Variants in PIK3R2 observed in about 807,000 individuals in gnomAD.
PIK3R2 encodes phosphatidylinositol 3-kinase regulatory subunit beta.
A neutral mutation model predicts 78.5 loss-of-function variants in PIK3R2; 40 were observed. That is an observed-to-expected ratio of 0.51 (90% CI 0.40 to 0.66). The LOEUF (loss-of-function observed/expected upper bound fraction) is 0.66. Ranked by LOEUF, PIK3R2 falls within the 30% of genes least tolerant of loss-of-function variation. PIK3R2 has a pLI of 0.00. For missense variants in PIK3R2, 880 were observed against 1,026.6 expected, an observed-to-expected ratio of 0.86 and a Z score of 1.95; for synonymous variants, 473 against 457.7, an observed-to-expected ratio of 1.03 and a Z score of -0.43.
chr19:18,163,425 T>TA, intron 11 of PIK3R2, 37 bp downstream of exon 11: 1 of 1,611,150 alleles, frequency 6.2e-7, no homozygotes, highest in Non-Finnish European at 8.5e-7. Context: ...AACCGAGACA[T>TA]AGAGGGGCAG....
Position 18,156,164 on chromosome 19 carries a change from A to C in PIK3R2, c.285A>C (p.Pro95=), listed in dbSNP as rs1326810281. ...RPGPRPRGPR[P]LPARPRDGAP... is the part of the protein sequence containing the mutation. ...GCCCTCGCCCACGGGGCCCCCGCCC[A>C]CTGCCCGCCAGGCCCCGTGATGGGG... Residue 95 remains proline, a synonymous_variant, in exon 2 of 16, where the codon CCA becomes CCC. Transcript: ENST00000222254. This position sits in a 1 kb window ranked among gnomAD's most constrained non-coding sequence, Gnocchi z 4.2. 4.1e-6 allele frequency: 6 copies of C among 1,451,804 alleles called. No homozygotes were observed. Among genetic ancestry groups the C allele is most frequent in the Non-Finnish European group, 5.4e-6 (6 of 1,107,056 alleles). The allele number at this position is 1,451,804 out of a possible 1,614,324, so 89.9% of individuals were successfully genotyped here. A position where few individuals can be genotyped will look rare whatever the true frequency, so the allele number is the denominator to read the frequency against.
rs1478217607 is a variant in PIK3R2 at position 18,156,561 on chromosome 19, G to A, written c.322+360G>A. Among the ~76,000 whole-genome samples, 1 of 152,188 alleles carries A rather than the reference G, an allele frequency of 6.6e-6. No homozygotes were observed. The highest frequency in any genetic ancestry group is 1.5e-5 in the Non-Finnish European group (1 of 68,038). ...CAGCAGGAGGACCAGAGGGAGGAAGGGGAGGGCAATGTGCGCTGGCATGGA... is the reference window on the plus strand; with the variant it reads ...CAGCAGGAGGACCAGAGGGAGGAAGAGGAGGGCAATGTGCGCTGGCATGGA... On this transcript the variant is annotated intron_variant, in intron 2 of 15. Transcript: ENST00000222254. The surrounding 1 kb of genome is among the most constrained non-coding windows in gnomAD (Gnocchi z 4.2).
intron 9 of PIK3R2, 28 bp from the exon 10 acceptor site, chr19:18,162,937 CTG>C (rs771834702): frequency 1.2e-6 from 2 of 1,605,910 alleles, no homozygotes; most frequent in South Asian, 2.2e-5. Context: ...CGGGGTCCCA[CTG>C]GGTGCCGACA....
chr19:18,167,311 G>C lies in PIK3R2; in HGVS notation c.1736+5G>C. The C allele has an allele frequency of 6.3e-7, 1 of 1,576,232 alleles. No individual in the cohort carries two copies. Among genetic ancestry groups the C allele is most frequent in the Non-Finnish European group, 8.6e-7 (1 of 1,160,750 alleles). On this transcript the variant is annotated splice_donor_5th_base_variant and intron_variant, in intron 13 of 15. Transcript: ENST00000222254. The surrounding 1 kb of genome is among the most constrained non-coding windows in gnomAD (Gnocchi z 4.5). The stretch of plus-strand genomic sequence containing the variant: ...GATCCGAGACCAGTACCTCGTGTAA[G>C]TGGCGGCTCCATACTTCCCTGCGGC...
At chr19:18,155,045 C>A (rs550398401) in intron 1 of PIK3R2, among the ~76,000 whole-genome samples, 25 of 152,046 alleles carry the variant, frequency 1.6e-4, no homozygotes, top group African/African-American at 5.8e-4. Context: ...GAAACCTCGT[C>A]TCTACTAAAA....
At position 18,167,408 on chromosome 19, in the gene PIK3R2, C is replaced by A. The variant is rs2043820871; in HGVS notation, c.1736+102C>A. The A allele has an allele frequency of 9.5e-7, 1 of 1,054,266 alleles. No homozygotes were observed. The allele number at this position is 1,054,266 out of a possible 1,614,324, so 65.3% of individuals were successfully genotyped here. The stretch of plus-strand genomic sequence containing the variant: ...GTCTCTCTCTCTCCACCAAGTGGCC[C>A]TTCCTGGGCCCCGAGACCCCTTAAA... On this transcript the variant is annotated intron_variant, in intron 13 of 15. Transcript: ENST00000222254. The surrounding 1 kb of genome is among the most constrained non-coding windows in gnomAD (Gnocchi z 4.5).
Position 18,155,638 on chromosome 19 carries a change from A to G in PIK3R2, c.-242A>G, listed in dbSNP as rs1179232218. The G allele has an allele frequency of 5.5e-6, 3 of 542,712 alleles. No individual in the cohort carries two copies. Among genetic ancestry groups the G allele is most frequent in the African/African-American group, 2.0e-5 (1 of 49,616 alleles). The allele number at this position is 542,712 out of a possible 1,614,324, so 33.6% of individuals were successfully genotyped here. On this transcript the variant is annotated 5_prime_UTR_variant, in exon 2 of 16. Coordinates refer to ENST00000222254, the MANE Select transcript of PIK3R2 (RefSeq NM_005027.4). Reference sequence around the variant, plus strand: ...TGGCCCAGTGACCTGACACCACACCACCAACTCCCTCCCACCAGCTGACGA... The same window carrying G: ...TGGCCCAGTGACCTGACACCACACCGCCAACTCCCTCCCACCAGCTGACGA...
rs992417178 is a variant in PIK3R2 at position 18,168,645 on chromosome 19, A to G, written c.1809-81A>G. 3.2e-6 allele frequency: 4 copies of G among 1,244,988 alleles called. No individual in the cohort carries two copies. In the South Asian group the frequency reaches 3.6e-5, roughly 11 times the overall value. The allele number at this position is 1,244,988 out of a possible 1,614,324, so 77.1% of individuals were successfully genotyped here. ...TGAGTAGGAGTTCACCAGGGAGGAA[A>G]AGTTGTCCAGGCAGCTGGGGAGCCT... On this transcript the variant is annotated intron_variant, in intron 14 of 15. Coordinates refer to ENST00000222254, the MANE Select transcript of PIK3R2 (RefSeq NM_005027.4). This position sits in a 1 kb window ranked among gnomAD's most constrained non-coding sequence, Gnocchi z 4.1.
At chr19:18,154,165 CT>C (rs2043652832) in intron 1 of PIK3R2, among the ~76,000 whole-genome samples, 1 of 152,192 alleles carries the variant, frequency 6.6e-6, no homozygotes, top group Non-Finnish European at 1.5e-5. Context: ...GATCCATTCT[CT>C]AGAACAGCAC....
Position 18,168,706 on chromosome 19 carries a change from G to GCCCCCC in PIK3R2, c.1809-18_1809-17insCCCCCC. 1 of 920,048 alleles carries GCCCCCC rather than the reference G, an allele frequency of 1.1e-6. No individual in the cohort carries two copies. Among genetic ancestry groups the GCCCCCC allele is most frequent in the Non-Finnish European group, 1.7e-6 (1 of 588,316 alleles). 57.0% of individuals were successfully genotyped at this position (920,048 alleles called of 1,614,324 possible). ...CAGGTGAGTGACCAGGGCCCTCCCC[G>GCCCCCC]CCACCGCCCCCCACCCCAGCCAGTA... On this transcript the variant is annotated intron_variant, in intron 14 of 15. Coordinates refer to ENST00000222254, the MANE Select transcript of PIK3R2 (RefSeq NM_005027.4). The surrounding 1 kb of genome is among the most constrained non-coding windows in gnomAD (Gnocchi z 4.1).
At chr19:18,153,520 C>T (rs2043642254) in intron 1 of PIK3R2, among the ~76,000 whole-genome samples, 1 of 152,108 alleles carries the variant, frequency 6.6e-6, no homozygotes, top group Non-Finnish European at 1.5e-5. Flanking sequence ...AGACTCCCCG[C>T]GTCCAAGATA....
In PIK3R2 at chr19:18,163,287, G is replaced by A. The variant is rs751032325; in HGVS notation, c.1315G>A (p.Val439Met). ...QQDQIVKEDS[V>M]EAVGAQLKVY... The stretch of plus-strand genomic sequence containing the variant: ...GGACCAGATTGTCAAGGAGGACAGC[G>A]TGGAGGCAGTGGGCGCCCAGCTTAA... Residue 439 changes from valine (V) to methionine (M), a missense_variant, in exon 11 of 16, where the codon GTG (valine) becomes ATG (methionine). Physicochemically the swap from Val to Met is conservative, Grantham distance 21 (BLOSUM62 1). Coordinates refer to ENST00000222254, the MANE Select transcript of PIK3R2 (RefSeq NM_005027.4). 1.5e-5 allele frequency: 24 copies of A among 1,614,004 alleles called. No homozygotes were observed. Among genetic ancestry groups the A allele is most frequent in the Non-Finnish European group, 2.0e-5 (24 of 1,180,020 alleles).
At chr19:18,163,675 A>G (rs934490562) in intron 11 of PIK3R2, among the ~76,000 whole-genome samples, 11 of 152,180 alleles carry the variant, frequency 7.2e-5, no homozygotes, top group African/African-American at 2.7e-4. Context: ...TTTAAAAATT[A>G]ACTGGGTGTC....
Position 18,160,968 on chromosome 19 carries a change from A to T in PIK3R2, c.465A>T (p.Thr155=). Residue 155 remains threonine (T), a splice_region_variant and synonymous_variant, in exon 4 of 16, where the codon ACA becomes ACT. Transcript: ENST00000222254. ...HYRPELPAPR[T]DWSLSDVDQW... is the part of the protein sequence containing the mutation. ...GCCCGGAGCTGCCCGCACCGCGTAC[A>T]GGTGAAGGGGAGCCTCAATGGGGTT... is the stretch of plus-strand genomic sequence containing the variant. The T allele has an allele frequency of 6.2e-7, 1 of 1,612,694 alleles. No individual in the cohort carries two copies. Among genetic ancestry groups the T allele is most frequent in the East Asian group, 2.2e-5 (1 of 44,866 alleles).
Position 18,156,427 on chromosome 19 carries a change from A to G in PIK3R2, c.322+226A>G, listed in dbSNP as rs947323920. Among the ~76,000 whole-genome samples the G allele has an allele frequency of 2.6e-5, 4 of 152,190 alleles. No homozygotes were observed. The highest frequency in any genetic ancestry group is 7.2e-5 in the African/African-American group (3 of 41,442). On this transcript the variant is annotated intron_variant, in intron 2 of 15. Transcript: ENST00000222254. The surrounding 1 kb of genome is among the most constrained non-coding windows in gnomAD (Gnocchi z 4.2). ...TGAGAGTGGGTTCAGGAGGTGACAC[A>G]TGCCATGAGGAAGGGGGCTTGCGTG... is the stretch of plus-strand genomic sequence containing the variant.
chr19:18,162,624 C>G (rs557644563), intron 9 of PIK3R2, 118 bp downstream of exon 9: 16 of 837,498 alleles, frequency 1.9e-5, no homozygotes, highest in South Asian at 1.8e-4. Context: ...TGGCTTACAC[C>G]TGTAATCCCA....
At position 18,156,187 on chromosome 19, in the gene PIK3R2, G is replaced by T; in HGVS notation, c.308G>T (p.Gly103Val). The change falls in exon 2 of 16, where the codon GGG becomes GTG. Residue 103 changes from glycine to valine, a missense_variant. Physicochemically the swap from Gly to Val is moderately radical, Grantham distance 109 (BLOSUM62 -3). This residue lies in a region of PIK3R2 where 456 missense variants were observed against 486.6 expected (regional missense o/e 0.94). Coordinates refer to ENST00000222254, the MANE Select transcript of PIK3R2 (RefSeq NM_005027.4). The surrounding 1 kb of genome is among the most constrained non-coding windows in gnomAD (Gnocchi z 4.2). ...PRPLPARPRD[G>V]APEPGLTLPD... The stretch of plus-strand genomic sequence containing the variant: ...CCACTGCCCGCCAGGCCCCGTGATG[G>T]GGCCCCTGAGCCAGGTGAGCAGCAA... 1 of 1,461,484 alleles carries T rather than the reference G, an allele frequency of 6.8e-7. No homozygotes were observed. The highest frequency in any genetic ancestry group is 9.0e-7 in the Non-Finnish European group (1 of 1,112,872). The allele number at this position is 1,461,484 out of a possible 1,614,324, so 90.5% of individuals were successfully genotyped here.
At chr19:18,155,359 G>A in intron 1 of PIK3R2, 98 bp from the exon 2 acceptor site, 1 of 351,776 alleles carries the variant, frequency 2.8e-6, no homozygotes, top group Non-Finnish European at 5.1e-6. Flanking sequence ...AGGTCACCCA[G>A]TGATTCAGGG....
At position 18,166,297 on chromosome 19, in the gene PIK3R2, G is replaced by A. The variant is rs1479949822; in HGVS notation, c.1554G>A (p.Met518Ile). 1 of 1,613,880 alleles carries A rather than the reference G, an allele frequency of 6.2e-7. No individual in the cohort carries two copies. Among genetic ancestry groups the A allele is most frequent in the Non-Finnish European group, 8.5e-7 (1 of 1,179,836 alleles). The change falls in exon 12 of 16, where the codon ATG (methionine) becomes ATA (isoleucine). Residue 518 changes from methionine to isoleucine, a missense_variant. Coordinates refer to ENST00000222254, the MANE Select transcript of PIK3R2 (RefSeq NM_005027.4). ...RFRREGNEKE[M>I]QRILLNSERL... ...GGCGTGAGGGCAACGAGAAAGAGAT[G>A]CAAAGGTGAGTCTGGCGCCTCTGCC...
Sources: gnomAD v4.1 joint callset for allele counts (sites outside exome capture counted in the v4.1 genomes callset) on GRCh38, gnomAD v4.1.1 for gene constraint, gnomAD v4.1.1 regional missense constraint, Gnocchi (gnomAD v3.1) non-coding constraint, MANE v1.5 for transcripts, NCBI Gene and HGNC (gene_info 2026-07-23, HGNC 2026-07-21) for gene names.